The following PXDNL variants were observed in gnomAD, a reference collection of about 807,000 sequenced individuals.
PXDNL encodes the protein peroxidasin like.
PXDNL carries 145 observed loss-of-function variants against 150.8 expected under a neutral mutation model. The ratio of observed to expected loss-of-function variants is 0.96; its 90% CI spans 0.84 to 1.10. The LOEUF (loss-of-function observed/expected upper bound fraction) is 1.10, where lower values mean the gene tolerates loss of function less well. Among genes scored for constraint, PXDNL ranks in the 50% least tolerant of loss-of-function variants. PXDNL has a pLI of 0.00. For missense variants in PXDNL, 2,087 were observed against 1,873.9 expected, an observed-to-expected ratio of 1.11 and a Z score of -2.10; for synonymous variants, 757 against 725.7, an observed-to-expected ratio of 1.04 and a Z score of -0.69.
chr8:51,373,628 C>A (rs568181264), intron 18 of PXDNL, among the ~76,000 whole-genome samples: 15 of 152,106 alleles, frequency 9.9e-5, no homozygotes, highest in Non-Finnish European at 2.2e-4. Flanking sequence ...TTGCTACTTT[C>A]TCTATAATTT....
intron 1 of PXDNL, among the ~76,000 whole-genome samples, chr8:51,695,000 G>C (rs1057203842): frequency 7.9e-5 from 12 of 152,300 alleles, no homozygotes; most frequent in African/African-American, 2.6e-4. Context: ...AGTGGGTTCA[G>C]AGCCTCTCTG....
At chr8:51,322,014 C>G (rs1342725659) in intron 21 of PXDNL, among the ~76,000 whole-genome samples, 1 of 152,042 alleles carries the variant, frequency 6.6e-6, no homozygotes, top group African/African-American at 2.4e-5. Context: ...ACATTGGTGT[C>G]CTTGTAAAAA....
intron 1 of PXDNL, among the ~76,000 whole-genome samples, chr8:51,660,697 G>A (rs142975502): frequency 5.3e-5 from 8 of 152,180 alleles, no homozygotes; most frequent in African/African-American, 1.7e-4. Context: ...GCCTGCCACC[G>A]CAGAAAGAAA....
At chr8:51,437,762 T>TCCCTCAGAACTAC (rs748800006) in intron 12 of PXDNL, among the ~76,000 whole-genome samples, 23 of 151,744 alleles carry the variant, frequency 1.5e-4, no homozygotes, top group Non-Finnish European at 3.0e-4. Flanking sequence ...GACGGCACTA[T>TCCCTCAGAACTAC]CCCTCAGAAC....
intron 8 of PXDNL, among the ~76,000 whole-genome samples, chr8:51,468,522 T>C (rs761241243): frequency 5.3e-5 from 8 of 151,940 alleles, no homozygotes; most frequent in Non-Finnish European, 1.2e-4. Context: ...AAATAGCATA[T>C]AGCTGGATTT....
chr8:51,601,692 G>T (rs1300240566), intron 2 of PXDNL, among the ~76,000 whole-genome samples: 1 of 151,852 alleles, frequency 6.6e-6, no homozygotes, highest in Admixed American at 6.6e-5. Flanking sequence ...TGCCTTTAAA[G>T]TAGGGCATTT....
chr8:51,795,841 A>G (rs1243633943), intron 1 of PXDNL, among the ~76,000 whole-genome samples: 1 of 152,228 alleles, frequency 6.6e-6, no homozygotes, highest in African/African-American at 2.4e-5. Flanking sequence ...ACATTTATTC[A>G]GTAAAGATTA....
chr8:51,567,228 C>T (rs1220288177), intron 3 of PXDNL, among the ~76,000 whole-genome samples: 4 of 151,554 alleles, frequency 2.6e-5, no homozygotes, highest in African/African-American at 9.7e-5. Flanking sequence ...TCTATGTGAG[C>T]TTGAGAAGAC....
intron 17 of PXDNL, among the ~76,000 whole-genome samples, chr8:51,406,834 C>T (rs1423596548): frequency 6.6e-6 from 1 of 152,202 alleles, no homozygotes; most frequent in African/African-American, 2.4e-5. Flanking sequence ...GTTCAGTCAT[C>T]TCGGCTCCCA....
At chr8:51,402,329 C>T (rs540545982) in intron 17 of PXDNL, among the ~76,000 whole-genome samples, 271 of 152,162 alleles carry the variant, frequency 1.8e-3, no homozygotes, top group African/African-American at 6.2e-3. Flanking sequence ...AGTTTGAGAC[C>T]GGCCTGGCTA....
At position 51,528,758 on chromosome 8, in the gene PXDNL, G is replaced by A. The variant is rs145356139; in HGVS notation, c.380+28082C>T. 8.3e-3 allele frequency among the ~76,000 whole-genome samples: 1,265 copies of A among 151,884 alleles called. 22 individuals are homozygous for A. The highest frequency in any genetic ancestry group is 0.028 in the African/African-American group (1,149 of 41,172). On this transcript the variant is annotated intron_variant, in intron 4 of 22. Coordinates refer to ENST00000356297, the MANE Select transcript of PXDNL (RefSeq NM_144651.5). ...CTTTACTCTTGCTGGTTTTGAAGCT[G>A]GAAATGGGACTGCAGGCCCACGACT...
intron 3 of PXDNL, among the ~76,000 whole-genome samples, chr8:51,569,498 G>A (rs1199699915): frequency 6.6e-6 from 1 of 151,808 alleles, no homozygotes; most frequent in Non-Finnish European, 1.5e-5. Flanking sequence ...TGTCGCTCTA[G>A]GAAGGCAAAT....
intron 4 of PXDNL, among the ~76,000 whole-genome samples, chr8:51,522,994 A>T (rs565721667): frequency 2.0e-5 from 3 of 152,220 alleles, no homozygotes; most frequent in Non-Finnish European, 4.4e-5. Flanking sequence ...GGAATTACCT[A>T]CAACAGTGAT....
intron 19 of PXDNL, among the ~76,000 whole-genome samples, chr8:51,359,870 A>G (rs1357850815): frequency 6.6e-6 from 1 of 152,192 alleles, no homozygotes; most frequent in Admixed American, 6.5e-5. Context: ...GGAAAGGAAC[A>G]CTGGCAAAGA....
intron 21 of PXDNL, among the ~76,000 whole-genome samples, chr8:51,332,614 A>T (rs1000079522): frequency 6.6e-6 from 1 of 152,138 alleles, no homozygotes; most frequent in Non-Finnish European, 1.5e-5. Flanking sequence ...AGAAATATTC[A>T]ATGAAATAGA....
chr8:51,772,330 C>G (rs980058068), intron 1 of PXDNL, among the ~76,000 whole-genome samples: 5 of 151,910 alleles, frequency 3.3e-5, no homozygotes, highest in African/African-American at 9.7e-5. Context: ...GGCTGGATAC[C>G]TGTGCTTTCT....
chr8:51,769,325 T>A (rs1366372140), intron 1 of PXDNL, among the ~76,000 whole-genome samples: 1 of 152,198 alleles, frequency 6.6e-6, no homozygotes, highest in Non-Finnish European at 1.5e-5. Context: ...GGTCCAGTAG[T>A]TACCATTACT....
At chr8:51,561,548 C>A (rs553846029) in intron 3 of PXDNL, among the ~76,000 whole-genome samples, 20 of 151,446 alleles carry the variant, frequency 1.3e-4, no homozygotes, top group Non-Finnish European at 2.5e-4. Context: ...TTTAAAAAAA[C>A]GAAGGAAATT....
Position 51,426,648 on chromosome 8 carries a change from T to G in PXDNL, c.1636A>C (p.Lys546Gln). The change falls in exon 13 of 23, where the codon AAG becomes CAG. Residue 546 changes from lysine to glutamine, a missense_variant and splice_region_variant. Transcript: ENST00000356297. Reference protein sequence around the residue: ...GEPQPIITWNKEGVQITESGK... With the variant: ...GEPQPIITWNQEGVQITESGK... Reference sequence around the variant, plus strand: ...TGTACTTTTAGTTGAGATCTTACCTTATTCCAAGTAATTATGGGCTGTGGT... The same window carrying G: ...TGTACTTTTAGTTGAGATCTTACCTGATTCCAAGTAATTATGGGCTGTGGT... The G allele has an allele frequency of 6.4e-7, 1 of 1,550,956 alleles. No individual in the cohort carries two copies. The highest frequency in any genetic ancestry group is 8.9e-7 in the Non-Finnish European group (1 of 1,126,774).
Sources: allele counts gnomAD v4.1 joint callset (sites outside exome capture counted in the v4.1 genomes callset), GRCh38; gene constraint gnomAD v4.1.1; transcripts MANE v1.5; gene names NCBI Gene and HGNC (gene_info 2026-07-23, HGNC 2026-07-21).